PDPN: variants seen among roughly 807,000 people sequenced by gnomAD.
PDPN encodes podoplanin.
PDPN carries 12 observed loss-of-function variants against 23.2 expected under a neutral mutation model. The ratio of observed to expected loss-of-function variants is 0.52; its 90% CI spans 0.33 to 0.84. The LOEUF is 0.84. Ranked by LOEUF, PDPN falls within the 40% of genes least tolerant of loss-of-function variation. PDPN has a pLI of 0.02. For missense variants in PDPN, 199 were observed against 212.2 expected, an observed-to-expected ratio of 0.94 and a Z score of 0.39; for synonymous variants, 77 against 76.7, an observed-to-expected ratio of 1.00 and a Z score of -0.02.
intron 1 of PDPN, among the ~76,000 whole-genome samples, chr1:13,606,574 G>A (rs943851236): frequency 6.6e-6 from 1 of 152,098 alleles, no homozygotes; most frequent in African/African-American, 2.4e-5. Flanking sequence ...AGACTGAGAC[G>A]GGAGGATCGC....
intron 1 of PDPN, among the ~76,000 whole-genome samples, chr1:13,595,488 A>C (rs568477383): frequency 7.5e-4 from 114 of 152,302 alleles, no homozygotes; most frequent in Non-Finnish European, 1.5e-3. Flanking sequence ...GGCAGGGGGT[A>C]CTGTGCAGAC....
At chr1:13,614,026 AAT>A (rs1399256514) in intron 4 of PDPN, among the ~76,000 whole-genome samples, 1 of 152,148 alleles carries the variant, frequency 6.6e-6, no homozygotes, top group Non-Finnish European at 1.5e-5. Context: ...GGGCCAACTT[AAT>A]AGTCATACGT....
At chr1:13,608,401 C>T (rs1056602726) in intron 2 of PDPN, among the ~76,000 whole-genome samples, 2 of 152,186 alleles carry the variant, frequency 1.3e-5, no homozygotes, top group African/African-American at 2.4e-5. Flanking sequence ...TTCCTGCCTG[C>T]CTATCTGACC....
chr1:13,597,012 T>C (rs374201825), intron 1 of PDPN, among the ~76,000 whole-genome samples: 5 of 152,130 alleles, frequency 3.3e-5, no homozygotes, highest in African/African-American at 1.2e-4. Flanking sequence ...GGCTCAGTTT[T>C]GAGACGTGAT....
chr1:13,614,629 T>C (rs1298096358), intron 5 of PDPN: 4 of 465,444 alleles, frequency 8.6e-6, no homozygotes, highest in Non-Finnish European at 1.6e-5. Context: ...CCAAAGTTCC[T>C]TACTTGGGCC....
chr1:13,584,416 C>T, intron 1 of PDPN: 1 of 1,051,900 alleles, frequency 9.5e-7, no homozygotes, highest in South Asian at 1.7e-5. Flanking sequence ...AGTAGGCAGC[C>T]CCGCTTGCTG....
In PDPN at chr1:13,584,012, G is replaced by A. The variant is rs1450366455; in HGVS notation, c.-22G>A. 1.2e-6 allele frequency: 2 copies of A among 1,613,452 alleles called. No homozygotes were observed. Among genetic ancestry groups the A allele is most frequent in the African/African-American group, 2.7e-5 (2 of 74,942 alleles). On this transcript the variant is annotated 5_prime_UTR_variant, in exon 1 of 6. Coordinates refer to ENST00000621990, the MANE Select transcript of PDPN (RefSeq NM_006474.5). ...GAATCTTGCTGCTCGGCCCCCAGGA[G>A]AGCAACAACTCAACGGGAACGATGT... is the stretch of plus-strand genomic sequence containing the variant.
At chr1:13,593,505 C>T (rs1457481749) in intron 1 of PDPN, among the ~76,000 whole-genome samples, 36 of 152,148 alleles carry the variant, frequency 2.4e-4, no homozygotes, top group Admixed American at 2.4e-3. Context: ...TAAAAATCTA[C>T]CAAAGCACAC....
chr1:13,607,024 C>A, intron 1 of PDPN, 149 bp from the exon 2 acceptor site: 1 of 714,314 alleles, frequency 1.4e-6, no homozygotes, highest in South Asian at 1.9e-5. Flanking sequence ...GGTTTGGTTT[C>A]TGGCACCACA....
chr1:13,585,193 A>T (rs2100585057), intron 1 of PDPN, among the ~76,000 whole-genome samples: 1 of 152,276 alleles, frequency 6.6e-6, no homozygotes, highest in African/African-American at 2.4e-5. Flanking sequence ...TTGAGGATCA[A>T]GGTAGGCCTA....
chr1:13,588,943 G>T (rs946224736), intron 1 of PDPN, among the ~76,000 whole-genome samples: 1 of 87,452 alleles, frequency 1.1e-5, no homozygotes, highest in East Asian at 2.4e-4. Flanking sequence ...GGGATTACAG[G>T]TGTGAGCCAC....
chr1:13,588,667 A>G (rs1010481267), intron 1 of PDPN, among the ~76,000 whole-genome samples: 3 of 101,094 alleles, frequency 3.0e-5, no homozygotes, highest in Non-Finnish European at 6.2e-5. Flanking sequence ...ACATATATAT[A>G]AAATATATAT....
chr1:13,585,466 T>C (rs1288209885), intron 1 of PDPN: 1 of 1,320,508 alleles, frequency 7.6e-7, no homozygotes, highest in Non-Finnish European at 9.9e-7. Context: ...ATTTCCTTTT[T>C]GGCGAGACAA....
intron 1 of PDPN, chr1:13,585,476 A>G (rs1640151043): frequency 3.0e-6 from 4 of 1,324,494 alleles, no homozygotes; most frequent in Admixed American, 4.3e-5. Context: ...TGGCGAGACA[A>G]TGTGCAAATG....
At chr1:13,597,313 G>C (rs1162187719) in intron 1 of PDPN, among the ~76,000 whole-genome samples, 1 of 152,132 alleles carries the variant, frequency 6.6e-6, no homozygotes, top group Non-Finnish European at 1.5e-5. Context: ...TAGACACTAG[G>C]GCAGCGCAAG....
At chr1:13,596,202 A>T (rs1428973740) in intron 1 of PDPN, among the ~76,000 whole-genome samples, 1 of 151,516 alleles carries the variant, frequency 6.6e-6, no homozygotes, top group Non-Finnish European at 1.5e-5. Flanking sequence ...CCGTCTCAAA[A>T]AAAAAAAAAA....
chr1:13,608,242 C>T (rs1003685511), intron 2 of PDPN, among the ~76,000 whole-genome samples: 1 of 152,136 alleles, frequency 6.6e-6, no homozygotes, highest in Non-Finnish European at 1.5e-5. Context: ...CATTCTTAAC[C>T]TGATGAATTT....
chr1:13,587,701 A>T (rs902856595), intron 1 of PDPN, among the ~76,000 whole-genome samples: 10 of 152,200 alleles, frequency 6.6e-5, no homozygotes, highest in Non-Finnish European at 1.5e-4. Flanking sequence ...GATGAGTCTT[A>T]GGATTCTCAT....
intron 1 of PDPN, among the ~76,000 whole-genome samples, chr1:13,597,619 C>G (rs1640530542): frequency 6.6e-6 from 1 of 152,196 alleles, no homozygotes; most frequent in African/African-American, 2.4e-5. Flanking sequence ...AAGTCCCCAT[C>G]TAGACTCAGC....
Sources: allele counts gnomAD v4.1 joint callset (sites outside exome capture counted in the v4.1 genomes callset), GRCh38; gene constraint gnomAD v4.1.1; transcripts MANE v1.5; gene names NCBI Gene and HGNC (gene_info 2026-07-23, HGNC 2026-07-21).